The following SOS1 variants were observed in gnomAD, a reference collection of about 807,000 sequenced individuals.
SOS1 encodes son of sevenless homolog 1.
Under a neutral mutation model 157.6 loss-of-function variants are expected in SOS1, and 25 were observed. That is an observed-to-expected ratio of 0.16 (90% CI 0.12 to 0.22). The LOEUF is 0.22. Among genes scored for constraint, SOS1 ranks in the 10% least tolerant of loss-of-function variants. SOS1 has a pLI of 1.00. For missense variants in SOS1, 1,237 were observed against 1,599.1 expected (o/e 0.77, Z 3.86); for synonymous variants, 528 against 534.0 (o/e 0.99, Z 0.16).
chr2:39,072,840 G>A (rs541590013), intron 1 of SOS1, among the ~76,000 whole-genome samples: 2 of 152,112 alleles, frequency 1.3e-5, no homozygotes, highest in East Asian at 3.9e-4. Flanking sequence ...ATGTATTTAA[G>A]AGATCAATAA....
At chr2:39,038,914 A>G (rs1006778882) in intron 6 of SOS1, among the ~76,000 whole-genome samples, 1 of 152,002 alleles carries the variant, frequency 6.6e-6, no homozygotes, top group African/African-American at 2.4e-5. Flanking sequence ...AAGTGCTATC[A>G]AACAACATCA....
intron 1 of SOS1, among the ~76,000 whole-genome samples, chr2:39,119,799 CCT>C (rs759819258): frequency 6.6e-6 from 1 of 152,166 alleles, no homozygotes; most frequent in Admixed American, 6.5e-5. Context: ...TGCACCAGCC[CCT>C]GTTAATCGGA....
At chr2:38,990,601 A>G (rs149331204) in intron 20 of SOS1, among the ~76,000 whole-genome samples, 2,105 of 152,272 alleles carry the variant, frequency 0.014, 108 homozygotes, top group South Asian at 0.092. Context: ...AGAAATAAAC[A>G]TATCTCCTGG....
At chr2:39,040,867 A>T (rs1670546032) in intron 6 of SOS1, among the ~76,000 whole-genome samples, 1 of 152,146 alleles carries the variant, frequency 6.6e-6, no homozygotes, top group Non-Finnish European at 1.5e-5. Context: ...CCTAGGAGTG[A>T]AATTTCTGGA....
intron 8 of SOS1, among the ~76,000 whole-genome samples, chr2:39,026,419 G>A (rs756309596): frequency 3.3e-5 from 5 of 150,802 alleles, no homozygotes; most frequent in African/African-American, 4.9e-5. Context: ...AAAGGGTAAC[G>A]AAAGATATTT....
intron 6 of SOS1, among the ~76,000 whole-genome samples, chr2:39,050,155 T>C (rs1327544802): frequency 1.3e-5 from 2 of 152,186 alleles, no homozygotes; most frequent in Non-Finnish European, 2.9e-5. Context: ...AAAGTCTTAA[T>C]TAAAAAAATA....
rs1368382616 is a variant in SOS1, at chr2:39,120,692, CCCCCGCCCCTCCCCGGCCCGCCGG to C, written c.-294_-271del. On this transcript the variant is annotated 5_prime_UTR_variant, in exon 1 of 23. Coordinates refer to ENST00000402219, the MANE Select transcript of SOS1 (RefSeq NM_005633.4). ...CCGCACCACCGCCCCGGGGCCAGGC[CCCCCGCCCCTCCCCGGCCCGCCGG>C]CGCCGCCCCGGGCTGCCCTCTGCCG... Among the ~76,000 whole-genome samples, 2 of 146,742 alleles carry C rather than the reference CCCCCGCCCCTCCCCGGCCCGCCGG, an allele frequency of 1.4e-5. No individual in the cohort carries two copies. Among genetic ancestry groups the C allele is most frequent in the African/African-American group, 2.4e-5 (1 of 40,896 alleles).
Position 39,006,926 on chromosome 2 carries a change from A to G in SOS1, c.2673+105T>C, listed in dbSNP as rs529684713. Reference sequence around the variant, plus strand: ...AATTCAGTCTTTTAATCTACTACTGAAAAGACAAATGAGACATTTAAAAAT... The same window carrying G: ...AATTCAGTCTTTTAATCTACTACTGGAAAGACAAATGAGACATTTAAAAAT... On this transcript the variant is annotated intron_variant, in intron 16 of 22. Transcript: ENST00000402219. 20 of 825,482 alleles carry G rather than the reference A, an allele frequency of 2.4e-5. No individual in the cohort carries two copies. The South Asian group carries it at 2.5e-4, about 10-fold the overall frequency. 51.1% of individuals were successfully genotyped at this position (825,482 alleles called of 1,614,324 possible). A position where few individuals can be genotyped will look rare whatever the true frequency, so the allele number is the denominator to read the frequency against.
At chr2:39,010,800 T>C (rs551455496) in intron 14 of SOS1, 97 bp from the exon 15 acceptor site, 587 of 984,750 alleles carry the variant, frequency 6.0e-4, no homozygotes, top group Non-Finnish European at 5.4e-4. Context: ...TAAACTCTCA[T>C]ATGAACTTTC....
At chr2:39,116,764 T>C (rs1034000118) in intron 1 of SOS1, among the ~76,000 whole-genome samples, 6 of 152,118 alleles carry the variant, frequency 3.9e-5, no homozygotes, top group African/African-American at 7.2e-5. Context: ...GGTGGGAGGA[T>C]AGCTTAAGCC....
At chr2:39,100,987 T>C (rs965979016) in intron 1 of SOS1, among the ~76,000 whole-genome samples, 2 of 152,176 alleles carry the variant, frequency 1.3e-5, no homozygotes, top group African/African-American at 4.8e-5. Flanking sequence ...TAACTGTCTT[T>C]TAGTCTATTT....
rs1303674298 is a variant in SOS1 at position 39,067,648 on chromosome 2, G to A, written c.193C>T (p.Arg65Ter). The part of the protein sequence containing the change: ...LLNMLCQAQP[R>*]SASDVEERVQ... ...CATACCTCTACATCTGAAGCACTTC[G>A]GGGCTGAGCTTGGCATAGCATATTT... The change falls in exon 2 of 23, where the codon CGA (arginine) becomes TGA (stop). Residue 65 changes from arginine (R) to a stop codon, truncating the protein, a stop_gained. Coordinates refer to ENST00000402219, the MANE Select transcript of SOS1 (RefSeq NM_005633.4). LOFTEE classifies it high-confidence loss of function. 6.2e-7 allele frequency: 1 copy of A among 1,613,094 alleles called. No individual in the cohort carries two copies. Among genetic ancestry groups the A allele is most frequent in the African/African-American group, 1.3e-5 (1 of 74,838 alleles).
intron 2 of SOS1, among the ~76,000 whole-genome samples, chr2:39,061,540 C>T (rs1671405212): frequency 6.6e-6 from 1 of 152,022 alleles, no homozygotes; most frequent in Non-Finnish European, 1.5e-5. Context: ...AGTACGTGCA[C>T]CATGCCCAGC....
chr2:39,044,862 G>GCGCGCGCACA (rs1670702515), intron 6 of SOS1, among the ~76,000 whole-genome samples: 1 of 33,084 alleles, frequency 3.0e-5, no homozygotes, highest in Non-Finnish European at 9.5e-5. Context: ...GCGCGCGCGC[G>GCGCGCGCACA]CGCACACACA....
At chr2:39,057,911 T>C (rs1273031407) in intron 3 of SOS1, among the ~76,000 whole-genome samples, 1 of 152,072 alleles carries the variant, frequency 6.6e-6, no homozygotes, top group Non-Finnish European at 1.5e-5. Context: ...CTTAAGAGTC[T>C]TGTGAACTTG....
intron 8 of SOS1, among the ~76,000 whole-genome samples, chr2:39,028,203 C>T (rs548552068): frequency 5.3e-5 from 8 of 152,098 alleles, no homozygotes; most frequent in African/African-American, 1.4e-4. Context: ...TTACCAGTGA[C>T]GAATTTTTTT....
At chr2:39,021,286 T>TAAAA (rs1247503827) in intron 10 of SOS1, among the ~76,000 whole-genome samples, 1 of 151,480 alleles carries the variant, frequency 6.6e-6, no homozygotes, top group Non-Finnish European at 1.5e-5. Context: ...TGTCCTCATT[T>TAAAA]AAAAAAATAA....
intron 1 of SOS1, among the ~76,000 whole-genome samples, chr2:39,112,067 T>C (rs1006969897): frequency 5.3e-5 from 8 of 152,144 alleles, no homozygotes; most frequent in Admixed American, 2.6e-4. Context: ...CCCACTATCC[T>C]TCTCTTCTAA....
At chr2:38,996,765 T>C (rs1028223440) in intron 19 of SOS1, among the ~76,000 whole-genome samples, 157 bp downstream of exon 19, 3 of 152,196 alleles carry the variant, frequency 2.0e-5, no homozygotes, top group Non-Finnish European at 4.4e-5. Flanking sequence ...CATTCATTTA[T>C]TTGGAAGGAA....
Sources: allele counts gnomAD v4.1 joint callset (sites outside exome capture counted in the v4.1 genomes callset), GRCh38; gene constraint gnomAD v4.1.1; transcripts MANE v1.5; gene names NCBI Gene and HGNC (gene_info 2026-07-23, HGNC 2026-07-21).